OCA2: variants seen among roughly 807,000 people sequenced by gnomAD.
OCA2 encodes the protein OCA2 melanosomal transmembrane protein, also known as P protein.
Under a neutral mutation model 100.2 loss-of-function variants are expected in OCA2, and 77 were observed. That is an observed-to-expected ratio of 0.77 (90% CI 0.64 to 0.93). OCA2 has a LOEUF of 0.93. OCA2 is among the 40% of genes least tolerant of loss of function. The pLI is 0.00. For missense variants in OCA2, 1,062 were observed against 1,089.1 expected (o/e 0.98, Z 0.35); for synonymous variants, 432 against 439.2 (o/e 0.98, Z 0.21).
chr15:27,985,508 T>C (rs1232876484), intron 12 of OCA2, among the ~76,000 whole-genome samples: 1 of 152,192 alleles, frequency 6.6e-6, no homozygotes, highest in African/African-American at 2.4e-5. Context: ...TTAGACAACC[T>C]GGGCTTTGAC....
intron 19 of OCA2, among the ~76,000 whole-genome samples, chr15:27,876,255 T>C (rs117644784): frequency 3.7e-4 from 57 of 152,088 alleles, no homozygotes; most frequent in African/African-American, 1.3e-3. Flanking sequence ...TCTGTTAATA[T>C]GGAAAATTAT....
chr15:27,858,688 G>C (rs1368093694), intron 21 of OCA2, among the ~76,000 whole-genome samples: 2 of 151,848 alleles, frequency 1.3e-5, no homozygotes. Context: ...CCTAAAAATA[G>C]AACGTGGAAA....
chr15:27,872,965 C>T (rs1182250317), intron 19 of OCA2, among the ~76,000 whole-genome samples: 2 of 152,208 alleles, frequency 1.3e-5, no homozygotes, highest in Non-Finnish European at 2.9e-5. Flanking sequence ...GCTGGGATTA[C>T]AGGCGTGAGC....
At chr15:27,813,521 G>C (rs2034162964) in intron 23 of OCA2, among the ~76,000 whole-genome samples, 1 of 152,172 alleles carries the variant, frequency 6.6e-6, no homozygotes, top group African/African-American at 2.4e-5. Context: ...TAGTCTTCTA[G>C]GTCCCCACAA....
At chr15:27,812,265 A>T (rs113471093) in intron 23 of OCA2, among the ~76,000 whole-genome samples, 6,587 of 152,258 alleles carry the variant, frequency 0.043, 463 homozygotes, top group African/African-American at 0.15. Context: ...AAAGAAGAAT[A>T]CCTCTAAGTA....
chr15:27,754,199 C>G (rs1023900729), downstream of OCA2, among the ~76,000 whole-genome samples: 4 of 152,170 alleles, frequency 2.6e-5, no homozygotes, highest in Non-Finnish European at 5.9e-5. Flanking sequence ...TCAAGGAATT[C>G]AAAGGGCATA....
the OCA2 span, among the ~76,000 whole-genome samples, chr15:27,719,565 C>T: frequency 6.6e-6 from 1 of 152,122 alleles, no homozygotes; most frequent in Non-Finnish European, 1.5e-5. Context: ...AGGGAATGTA[C>T]AATAATTTGA....
At position 27,851,449 on chromosome 15, in the gene OCA2, G is replaced by T. The variant is rs148894313; in HGVS notation, c.2271C>A (p.His757Gln). The T allele has an allele frequency of 2.5e-6, 4 of 1,613,658 alleles. No homozygotes were observed. Among genetic ancestry groups the T allele is most frequent in the Non-Finnish European group, 2.5e-6 (3 of 1,179,944 alleles). ...TMIPVLLNLS[H>Q]DPEVGLPAPP... The stretch of plus-strand genomic sequence containing the variant: ...GTGCGGGCAGGCCAACCTCAGGGTC[G>T]TGGCTCAGGTTCAGGAGCACGGGAA... The change falls in exon 22 of 24, where the codon CAC becomes CAA. Residue 757 changes from histidine to glutamine, a missense_variant. Transcript: ENST00000354638.
intron 23 of OCA2, among the ~76,000 whole-genome samples, chr15:27,789,213 G>C (rs1017848321): frequency 7.8e-5 from 10 of 128,506 alleles, no homozygotes; most frequent in African/African-American, 1.2e-4. Flanking sequence ...TTTTCTGGGC[G>C]GGGGGAGGGT....
At chr15:27,990,741 CA>C in intron 9 of OCA2, 94 bp from the exon 10 acceptor site, 2 of 982,728 alleles carry the variant, frequency 2.0e-6, no homozygotes, top group East Asian at 4.7e-5. Context: ...CTATATCTGC[CA>C]CTGTGTACCA....
Position 28,081,799 on chromosome 15 carries a change from T to A in OCA2, c.76A>T (p.Ser26Cys). The change falls in exon 2 of 24, where the codon AGC becomes TGC. Residue 26 changes from serine (S) to cysteine (C), a missense_variant. Physicochemically the swap from Ser to Cys is moderately radical, Grantham distance 112. Transcript: ENST00000354638. The stretch of plus-strand genomic sequence containing the variant: ...CCGGCCACAAGTTCAGCGAGTCCGC[T>A]GGGCACGGACGTCTGCAGGAGCTCC... ...AVELLQTSVP[S>C]GLAELVAGKR... 3.1e-6 allele frequency: 5 copies of A among 1,612,734 alleles called. No homozygotes were observed. The highest frequency in any genetic ancestry group is 4.2e-6 in the Non-Finnish European group (5 of 1,179,834).
intron 23 of OCA2, among the ~76,000 whole-genome samples, chr15:27,795,415 C>T (rs772166078): frequency 6.6e-6 from 1 of 151,898 alleles, no homozygotes; most frequent in Non-Finnish European, 1.5e-5. Context: ...TAAATGGCAC[C>T]GCTGTTGACC....
intron 2 of OCA2, among the ~76,000 whole-genome samples, chr15:28,061,176 G>C (rs557547873): frequency 5.8e-4 from 89 of 152,366 alleles, no homozygotes; most frequent in African/African-American, 1.9e-3. Flanking sequence ...ATGACCGTGA[G>C]GCTCTGCAGA....
intron 16 of OCA2, among the ~76,000 whole-genome samples, chr15:27,955,488 C>A (rs763792588): frequency 1.3e-5 from 2 of 152,152 alleles, no homozygotes; most frequent in Non-Finnish European, 2.9e-5. Context: ...GGAAGCTTCA[C>A]GAAAACCCCG....
At chr15:27,972,638 C>G (rs925470979) in intron 14 of OCA2, among the ~76,000 whole-genome samples, 4 of 151,806 alleles carry the variant, frequency 2.6e-5, no homozygotes, top group African/African-American at 9.7e-5. Context: ...TGTTTCTTGG[C>G]CAGTTGCATA....
intron 9 of OCA2, among the ~76,000 whole-genome samples, chr15:27,999,349 A>G (rs1220977733): frequency 6.6e-6 from 1 of 152,220 alleles, no homozygotes; most frequent in Non-Finnish European, 1.5e-5. Flanking sequence ...CCTTAACAGA[A>G]TGAAGGATAA....
At chr15:27,983,132 A>G (rs970754362) in intron 14 of OCA2, among the ~76,000 whole-genome samples, 1 of 152,212 alleles carries the variant, frequency 6.6e-6, no homozygotes, top group African/African-American at 2.4e-5. Flanking sequence ...TTAAAAACTG[A>G]TCAGAATGAG....
At chr15:27,940,376 C>T (rs1249066714) in intron 18 of OCA2, among the ~76,000 whole-genome samples, 2 of 152,310 alleles carry the variant, frequency 1.3e-5, no homozygotes, top group South Asian at 2.1e-4. Context: ...AAGACCAACC[C>T]GGCCATTGGG....
At chr15:27,816,260 TC>T (rs2034295296) in intron 23 of OCA2, among the ~76,000 whole-genome samples, 1 of 152,092 alleles carries the variant, frequency 6.6e-6, no homozygotes, top group Admixed American at 6.5e-5. Flanking sequence ...AAGAAAAAAA[TC>T]TTTTTAAAAA....
Sources: gnomAD v4.1 joint callset for allele counts (sites outside exome capture counted in the v4.1 genomes callset) on GRCh38, gnomAD v4.1.1 for gene constraint, MANE v1.5 for transcripts, NCBI Gene and HGNC (gene_info 2026-07-23, HGNC 2026-07-21) for gene names.